The following SUGCT variants were observed in gnomAD, a reference collection of about 807,000 sequenced individuals.
The protein encoded by SUGCT is succinyl-CoA:glutarate-CoA transferase.
Under a neutral mutation model 55.0 loss-of-function variants are expected in SUGCT, and 41 were observed. That is an observed-to-expected ratio of 0.74 (90% CI 0.58 to 0.97). The LOEUF (loss-of-function observed/expected upper bound fraction) is 0.97. SUGCT is among the 50% of genes least tolerant of loss of function. The pLI, the probability that SUGCT is intolerant of heterozygous loss-of-function variation, is 0.00. For synonymous variants in SUGCT, 187 were observed against 200.4 expected (o/e 0.93, Z 0.56); for missense variants, 568 against 547.8 (o/e 1.04, Z -0.37).
At chr7:40,713,798 C>T (rs986008765) in intron 12 of SUGCT, among the ~76,000 whole-genome samples, 3 of 152,102 alleles carry the variant, frequency 2.0e-5, no homozygotes, top group Non-Finnish European at 4.4e-5. Context: ...TGTTTCTCTC[C>T]AGTCCCTACC....
At chr7:40,897,713 A>T in the SUGCT span, among the ~76,000 whole-genome samples, 14 of 152,296 alleles carry the variant, frequency 9.2e-5, no homozygotes, top group South Asian at 2.3e-3. Context: ...TGAGAGGTGA[A>T]GCCAGCTGGG....
In SUGCT at chr7:40,415,942, T is replaced by C. The variant is rs368963721; in HGVS notation, c.817-33345T>C. ...TTTTATATTTTTTAATCTTCTTAGC[T>C]ATTTATACTTCCATATGAACATTAA... On this transcript the variant is annotated intron_variant, in intron 9 of 13. Coordinates refer to ENST00000335693, the MANE Select transcript of SUGCT (RefSeq NM_001193313.2). 7.9e-5 allele frequency among the ~76,000 whole-genome samples: 12 copies of C among 152,206 alleles called. No individual in the cohort carries two copies. In the East Asian group the frequency reaches 2.1e-3, roughly 27 times the overall value.
chr7:40,543,292 T>A, intron 12 of SUGCT, among the ~76,000 whole-genome samples: 1 of 152,310 alleles, frequency 6.6e-6, no homozygotes, highest in South Asian at 2.1e-4. Context: ...TTTATTTAGT[T>A]CAAAAACAGT....
intron 13 of SUGCT, among the ~76,000 whole-genome samples, chr7:40,822,336 G>A (rs932105383): frequency 1.7e-4 from 26 of 152,064 alleles, no homozygotes; most frequent in African/African-American, 2.7e-4. Flanking sequence ...TTTCTGTCTC[G>A]TTGATCTGTC....
At chr7:40,739,044 A>G (rs1392279811) in intron 12 of SUGCT, among the ~76,000 whole-genome samples, 1 of 152,154 alleles carries the variant, frequency 6.6e-6, no homozygotes, top group Non-Finnish European at 1.5e-5. Flanking sequence ...GTTTTGAGAG[A>G]ATTATAGATT....
chr7:40,943,274 A>T, the SUGCT span, among the ~76,000 whole-genome samples: 2 of 149,172 alleles, frequency 1.3e-5, no homozygotes, highest in Non-Finnish European at 3.0e-5. Context: ...TTATTTTATT[A>T]TTATTATTAT....
chr7:40,191,077 C>T (rs999722567), intron 5 of SUGCT, among the ~76,000 whole-genome samples: 9 of 152,120 alleles, frequency 5.9e-5, no homozygotes, highest in East Asian at 5.8e-4. Flanking sequence ...AGTGCAGTGG[C>T]GCGATCTCGG....
the SUGCT span, among the ~76,000 whole-genome samples, chr7:40,949,039 C>T: frequency 6.6e-6 from 1 of 152,190 alleles, no homozygotes; most frequent in Admixed American, 6.5e-5. Context: ...CACTGTCTTC[C>T]ACTATGGTTG....
chr7:40,421,624 A>G (rs1360387012), intron 9 of SUGCT, among the ~76,000 whole-genome samples: 5 of 152,194 alleles, frequency 3.3e-5, no homozygotes, highest in Non-Finnish European at 5.9e-5. Flanking sequence ...CATGGCCCCT[A>G]CTTTTTGTTA....
At chr7:40,678,676 T>A (rs1784111647) in intron 12 of SUGCT, among the ~76,000 whole-genome samples, 1 of 152,200 alleles carries the variant, frequency 6.6e-6, no homozygotes, top group Non-Finnish European at 1.5e-5. Flanking sequence ...TTTCCAGTAG[T>A]GAACTATTCA....
chr7:40,232,646 TTCCCCTTAGCTTCC>T (rs1788783374), intron 6 of SUGCT, among the ~76,000 whole-genome samples: 1 of 152,170 alleles, frequency 6.6e-6, no homozygotes, highest in African/African-American at 2.4e-5. Context: ...AATAAATCTT[TTCCCCTTAGCTTCC>T]TCCCTGTACG....
At chr7:40,577,184 C>T (rs887275396) in intron 12 of SUGCT, among the ~76,000 whole-genome samples, 2 of 152,130 alleles carry the variant, frequency 1.3e-5, no homozygotes, top group African/African-American at 4.8e-5. Context: ...CTCAGAGAGG[C>T]AGGTACCACT....
At chr7:40,619,027 A>C (rs915129842) in intron 12 of SUGCT, among the ~76,000 whole-genome samples, 2 of 152,194 alleles carry the variant, frequency 1.3e-5, no homozygotes, top group African/African-American at 4.8e-5. Flanking sequence ...ACATTCTAAC[A>C]TTCAACACTC....
intron 13 of SUGCT, among the ~76,000 whole-genome samples, chr7:40,816,406 G>GGTTTCT (rs1791672936): frequency 2.0e-5 from 3 of 152,154 alleles, no homozygotes; most frequent in African/African-American, 7.2e-5. Context: ...TAGCACTAGG[G>GGTTTCT]CTTGGGAGAA....
chr7:40,224,499 G>A (rs958265816), intron 6 of SUGCT, among the ~76,000 whole-genome samples: 10 of 151,802 alleles, frequency 6.6e-5, no homozygotes, highest in Admixed American at 2.0e-4. Context: ...AAGATGCATT[G>A]ACATGGTCAT....
intron 13 of SUGCT, among the ~76,000 whole-genome samples, chr7:40,826,600 G>A (rs1367262960): frequency 6.6e-6 from 1 of 152,174 alleles, no homozygotes; most frequent in Non-Finnish European, 1.5e-5. Flanking sequence ...GCTTGCCGCA[G>A]GCTACAGAAA....
chr7:40,401,369 A>G (rs776030434), intron 9 of SUGCT, among the ~76,000 whole-genome samples: 1 of 152,192 alleles, frequency 6.6e-6, no homozygotes, highest in Non-Finnish European at 1.5e-5. Context: ...GAAATGATTC[A>G]GAGAAGGGCT....
intron 13 of SUGCT, among the ~76,000 whole-genome samples, chr7:40,808,621 G>GTGGTAAGGAAGAACAT (rs1228668555): frequency 1.3e-5 from 2 of 152,184 alleles, no homozygotes; most frequent in African/African-American, 4.8e-5. Context: ...GAACTGGTTG[G>GTGGTAAGGAAGAACAT]TGGTAAGGAA....
chr7:40,869,151 TAAGTAAG>T, the SUGCT span, among the ~76,000 whole-genome samples: 1 of 152,118 alleles, frequency 6.6e-6, no homozygotes, highest in African/African-American at 2.4e-5. Context: ...AATCAAACAC[TAAGTAAG>T]TGCTTCTATG....
Sources: gnomAD v4.1 joint callset for allele counts (sites outside exome capture counted in the v4.1 genomes callset) on GRCh38, gnomAD v4.1.1 for gene constraint, MANE v1.5 for transcripts, NCBI Gene and HGNC (gene_info 2026-07-23, HGNC 2026-07-21) for gene names.